WWOX: variants seen among roughly 807,000 people sequenced by gnomAD.
The protein encoded by WWOX is WW domain-containing oxidoreductase.
In WWOX, 69 loss-of-function variants were observed where a neutral mutation model predicts 46.2. That is an observed-to-expected ratio of 1.49 (90% CI 1.23 to 1.82). The LOEUF is 1.82. Among genes scored for constraint, WWOX ranks in the 40% most tolerant of loss-of-function variants. The pLI, the probability that WWOX is intolerant of heterozygous loss-of-function variation, is 0.00. For missense variants in WWOX, 919 were observed against 542.6 expected, an observed-to-expected ratio of 1.69 and a Z score of -6.89; for synonymous variants, 359 against 202.6, an observed-to-expected ratio of 1.77 and a Z score of -6.56.
chr16:79,066,772 C>T (rs1474719921), intron 8 of WWOX, among the ~76,000 whole-genome samples: 1 of 152,224 alleles, frequency 6.6e-6, no homozygotes, highest in Non-Finnish European at 1.5e-5. Flanking sequence ...TGGAGAATTT[C>T]CCTCTGGCAA....
At chr16:78,588,274 G>A (rs997168056) in intron 8 of WWOX, among the ~76,000 whole-genome samples, 4 of 152,206 alleles carry the variant, frequency 2.6e-5, no homozygotes, top group Admixed American at 6.5e-5. Flanking sequence ...CAAACAGAAG[G>A]AGACCAGACT....
intron 8 of WWOX, among the ~76,000 whole-genome samples, chr16:79,143,656 C>A (rs892161519): frequency 6.6e-6 from 1 of 151,930 alleles, no homozygotes; most frequent in Non-Finnish European, 1.5e-5. Flanking sequence ...TATAGAGTGC[C>A]CATTATGTTT....
chr16:78,716,655 C>G (rs2048568806), intron 8 of WWOX, among the ~76,000 whole-genome samples: 1 of 152,030 alleles, frequency 6.6e-6, no homozygotes, highest in Non-Finnish European at 1.5e-5. Context: ...TCTCACTGTG[C>G]TGCTCCTTGG....
chr16:78,464,406 C>T (rs113213666), intron 8 of WWOX, among the ~76,000 whole-genome samples: 2,626 of 152,084 alleles, frequency 0.017, 94 homozygotes, highest in African/African-American at 0.06. Flanking sequence ...AATGGAGATC[C>T]TGGCCAAAAG....
intron 8 of WWOX, among the ~76,000 whole-genome samples, chr16:79,127,197 C>T (rs574549429): frequency 1.2e-3 from 189 of 151,920 alleles, no homozygotes; most frequent in African/African-American, 4.5e-3. Context: ...TATACATATA[C>T]ACACACACAC....
At chr16:78,401,409 T>A (rs2082410185) in intron 6 of WWOX, among the ~76,000 whole-genome samples, 1 of 152,176 alleles carries the variant, frequency 6.6e-6, no homozygotes, top group Non-Finnish European at 1.5e-5. Context: ...TAGGCTGAAA[T>A]AATGTTTTGG....
At chr16:78,845,496 C>T (rs921419969) in intron 8 of WWOX, among the ~76,000 whole-genome samples, 1 of 152,132 alleles carries the variant, frequency 6.6e-6, no homozygotes, top group Non-Finnish European at 1.5e-5. Flanking sequence ...CTTTTACAGG[C>T]TTAGCATAAT....
intron 8 of WWOX, among the ~76,000 whole-genome samples, chr16:78,731,864 G>C (rs924238407): frequency 2.0e-5 from 1 of 49,706 alleles, no homozygotes; most frequent in East Asian, 4.1e-4. Context: ...TTTTTTTTTT[G>C]AGAGACAGGG....
At chr16:78,241,097 C>T (rs867573281) in intron 5 of WWOX, 18 of 152,376 alleles carry the variant, frequency 1.2e-4, no homozygotes, top group African/African-American at 3.6e-4. Context: ...ATTCCACCAA[C>T]ACTGGCCTTG....
chr16:78,185,038 G>A (rs2035652026), intron 5 of WWOX, among the ~76,000 whole-genome samples: 1 of 152,160 alleles, frequency 6.6e-6, no homozygotes, highest in African/African-American at 2.4e-5. Flanking sequence ...GACAGAGGAA[G>A]AGAGGGATGT....
intron 6 of WWOX, among the ~76,000 whole-genome samples, chr16:78,398,650 C>T (rs144385244): frequency 1.9e-4 from 29 of 152,300 alleles, no homozygotes; most frequent in African/African-American, 6.7e-4. Context: ...TCCAGAGGAG[C>T]AGAAACTTTG....
At chr16:79,047,982 A>C (rs192673921) in intron 8 of WWOX, among the ~76,000 whole-genome samples, 39 of 152,186 alleles carry the variant, frequency 2.6e-4, no homozygotes, top group African/African-American at 8.4e-4. Flanking sequence ...AGAATTCACT[A>C]TATCCTCTCC....
chr16:78,478,176 G>A (rs368082984), intron 8 of WWOX, among the ~76,000 whole-genome samples: 10 of 152,128 alleles, frequency 6.6e-5, no homozygotes, highest in African/African-American at 2.4e-4. Flanking sequence ...TTTTGAGGTT[G>A]TATACAAGGA....
chr16:78,662,144 A>T (rs1204993601), intron 8 of WWOX, among the ~76,000 whole-genome samples: 3 of 152,164 alleles, frequency 2.0e-5, no homozygotes, highest in Non-Finnish European at 4.4e-5. Flanking sequence ...AGCTAGGATT[A>T]AGTGCTTCAC....
chr16:79,101,255 A>T (rs751907244), intron 8 of WWOX: 3 of 152,206 alleles, frequency 2.0e-5, no homozygotes, highest in African/African-American at 7.2e-5. Context: ...AGCTTGTATG[A>T]CAGTGGAATG....
intron 6 of WWOX, among the ~76,000 whole-genome samples, chr16:78,414,530 G>C (rs528353990): frequency 6.6e-6 from 1 of 152,284 alleles, no homozygotes; most frequent in South Asian, 2.1e-4. Context: ...TTGCGCCACT[G>C]CACTCCAGCC....
At chr16:78,117,187 C>T (rs1395820813) in intron 4 of WWOX, among the ~76,000 whole-genome samples, 2 of 152,130 alleles carry the variant, frequency 1.3e-5, no homozygotes, top group Non-Finnish European at 2.9e-5. Flanking sequence ...TTCCTGATAC[C>T]TATAATTCAT....
At chr16:78,512,479 A>C (rs1540761) in intron 8 of WWOX, among the ~76,000 whole-genome samples, 138,748 of 152,174 alleles carry the variant, frequency 0.91, 63,707 homozygotes, top group Non-Finnish European at 0.97. Context: ...CCATTTTATC[A>C]CTTTAAATTA....
intron 8 of WWOX, among the ~76,000 whole-genome samples, chr16:78,533,411 TAAA>T (rs11324963): frequency 2.7e-5 from 4 of 147,130 alleles, no homozygotes; most frequent in Non-Finnish European, 3.0e-5. Flanking sequence ...GTTGATGAGC[TAAA>T]AAAAAAAAAA....
Sources: gnomAD v4.1 joint callset for allele counts (sites outside exome capture counted in the v4.1 genomes callset) on GRCh38, gnomAD v4.1.1 for gene constraint, MANE v1.5 for transcripts, NCBI Gene and HGNC (gene_info 2026-07-23, HGNC 2026-07-21) for gene names.